The following OXCT1 variants were observed in gnomAD, a reference collection of about 807,000 sequenced individuals.
OXCT1 encodes succinyl-CoA:3-ketoacid coenzyme A transferase 1, mitochondrial.
OXCT1 carries 27 observed loss-of-function variants against 69.6 expected under a neutral mutation model. The observed-to-expected ratio is 0.39, with a 90% confidence interval of 0.29 to 0.54. The LOEUF (loss-of-function observed/expected upper bound fraction) is 0.54, where lower values mean the gene tolerates loss of function less well. Among genes scored for constraint, OXCT1 ranks in the 20% least tolerant of loss-of-function variants. OXCT1 has a pLI of 0.72. For synonymous variants in OXCT1, 202 were observed against 217.8 expected, an observed-to-expected ratio of 0.93 and a Z score of 0.64; for missense variants, 437 against 650.2, an observed-to-expected ratio of 0.67 and a Z score of 3.57.
chr5:41,737,060 C>T (rs1262821995), intron 16 of OXCT1, among the ~76,000 whole-genome samples: 1 of 152,146 alleles, frequency 6.6e-6, no homozygotes, highest in Non-Finnish European at 1.5e-5. Context: ...CCAGCTCTAG[C>T]CTTACAGAAA....
intron 3 of OXCT1, among the ~76,000 whole-genome samples, chr5:41,857,500 G>A (rs1012973524): frequency 2.0e-5 from 3 of 152,132 alleles, no homozygotes; most frequent in African/African-American, 7.2e-5. Context: ...CTTCTGATTG[G>A]GTTCAGCCAC....
chr5:41,784,532 T>G (rs975845553), intron 13 of OXCT1, among the ~76,000 whole-genome samples: 2 of 152,234 alleles, frequency 1.3e-5, no homozygotes, highest in African/African-American at 4.8e-5. Context: ...GTTGTTTTGC[T>G]TCCATTCTGA....
chr5:41,772,018 T>A (rs2112141667), intron 13 of OXCT1, among the ~76,000 whole-genome samples: 1 of 152,310 alleles, frequency 6.6e-6, no homozygotes, highest in East Asian at 1.9e-4. Context: ...TCTCCAATAG[T>A]CATTACAAAA....
intron 15 of OXCT1, among the ~76,000 whole-genome samples, chr5:41,748,714 C>T (rs905081193): frequency 2.0e-5 from 3 of 152,066 alleles, no homozygotes; most frequent in African/African-American, 7.2e-5. Context: ...CTCACTGTCA[C>T]ACCTCAGTGA....
In OXCT1 at chr5:41,731,801, T is replaced by C. The variant is rs1239389193; in HGVS notation, c.1522-31A>G. ...AAAAGAGGAAAAAAAAATCAAATTA[T>C]GAAAAACTGCATGATATAAATCTCT... On this transcript the variant is annotated intron_variant, in intron 16 of 16. Transcript: ENST00000196371. The C allele has an allele frequency of 5.0e-6, 8 of 1,594,584 alleles. 1 individual carries two copies. The highest frequency in any genetic ancestry group is 4.5e-5 in the South Asian group (4 of 88,176).
At chr5:41,783,608 A>G (rs1228282546) in intron 13 of OXCT1, among the ~76,000 whole-genome samples, 7 of 152,226 alleles carry the variant, frequency 4.6e-5, no homozygotes, top group Admixed American at 4.6e-4. Context: ...ATTGTTCATG[A>G]GAGAGACAGA....
intron 7 of OXCT1, among the ~76,000 whole-genome samples, chr5:41,816,183 C>T (rs1035544532): frequency 1.3e-5 from 2 of 152,142 alleles, no homozygotes; most frequent in Non-Finnish European, 2.9e-5. Flanking sequence ...ATGTTCTCCA[C>T]GTTTTCATTT....
intron 16 of OXCT1, among the ~76,000 whole-genome samples, chr5:41,733,365 G>A (rs948348026): frequency 6.6e-5 from 10 of 151,260 alleles, no homozygotes; most frequent in Non-Finnish European, 1.5e-4. Context: ...TCCTGCCTTA[G>A]CCTCCCAAGT....
chr5:41,791,725 C>T (rs1040996328), intron 13 of OXCT1, among the ~76,000 whole-genome samples: 2 of 152,098 alleles, frequency 1.3e-5, no homozygotes, highest in African/African-American at 2.4e-5. Flanking sequence ...TATTTAAAAC[C>T]CTATTGCTTT....
chr5:41,751,868 T>C (rs1743803589), intron 14 of OXCT1, among the ~76,000 whole-genome samples: 1 of 152,090 alleles, frequency 6.6e-6, no homozygotes, highest in South Asian at 2.1e-4. Flanking sequence ...AGCTAGATGA[T>C]TCCATTCACA....
intron 4 of OXCT1, among the ~76,000 whole-genome samples, chr5:41,850,512 AC>A (rs1168501051): frequency 2.0e-5 from 3 of 152,184 alleles, no homozygotes; most frequent in African/African-American, 7.2e-5. Flanking sequence ...GAATTATGAA[AC>A]TTTAGTTATA....
chr5:41,861,665 C>G (rs766659570), intron 2 of OXCT1, among the ~76,000 whole-genome samples: 1 of 152,178 alleles, frequency 6.6e-6, no homozygotes, highest in Non-Finnish European at 1.5e-5. Flanking sequence ...TATGGCTACT[C>G]ATTCCTCAGT....
At chr5:41,865,774 A>G (rs1383147554) in intron 1 of OXCT1, among the ~76,000 whole-genome samples, 1 of 152,188 alleles carries the variant, frequency 6.6e-6, no homozygotes, top group African/African-American at 2.4e-5. Flanking sequence ...ATTGTTTTCT[A>G]GGAATGTAGT....
chr5:41,738,365 A>T (rs1373395628), intron 16 of OXCT1, among the ~76,000 whole-genome samples: 1 of 152,172 alleles, frequency 6.6e-6, no homozygotes, highest in African/African-American at 2.4e-5. Flanking sequence ...GGTGGGAGGT[A>T]ACTGAATCAT....
rs567006510 is a variant in OXCT1, at chr5:41,767,371, ATTAC to A, written c.1249-5175_1249-5172del. Among the ~76,000 whole-genome samples, 6 of 152,280 alleles carry A rather than the reference ATTAC, an allele frequency of 3.9e-5. No individual in the cohort carries two copies. In the South Asian group the frequency reaches 8.3e-4, roughly 21 times the overall value. ...TATTCTCTATTGTTAGGTTAGCAAA[ATTAC>A]TTACAATAAAAATCAGTTATCAATC... On this transcript the variant is annotated intron_variant, in intron 13 of 16. Coordinates refer to ENST00000196371, the MANE Select transcript of OXCT1 (RefSeq NM_000436.4).
chr5:41,773,527 G>A (rs955217123), intron 13 of OXCT1, among the ~76,000 whole-genome samples: 18 of 152,142 alleles, frequency 1.2e-4, no homozygotes, highest in African/African-American at 4.1e-4. Context: ...AGCCCAGGAG[G>A]TCAAGGCTGC....
chr5:41,862,558 A>AT (rs1389574705), intron 2 of OXCT1, 84 bp downstream of exon 2: 4 of 764,312 alleles, frequency 5.2e-6, no homozygotes, highest in Non-Finnish European at 9.5e-6. Flanking sequence ...TATCATTTTT[A>AT]TACATCTTTG....
intron 15 of OXCT1, among the ~76,000 whole-genome samples, chr5:41,747,849 A>G (rs2112039727): frequency 6.6e-6 from 1 of 152,096 alleles, no homozygotes; most frequent in African/African-American, 2.4e-5. Context: ...TTTCCCTGAC[A>G]CCTCTGCCCA....
At chr5:41,756,321 C>G (rs13165517) in intron 14 of OXCT1, among the ~76,000 whole-genome samples, 14,582 of 152,026 alleles carry the variant, frequency 0.096, 929 homozygotes, top group Middle Eastern at 0.15. Context: ...ATATTGAGAA[C>G]AAAACAGATT....
Sources: gnomAD v4.1 joint callset for allele counts (sites outside exome capture counted in the v4.1 genomes callset) on GRCh38, gnomAD v4.1.1 for gene constraint, MANE v1.5 for transcripts, NCBI Gene and HGNC (gene_info 2026-07-23, HGNC 2026-07-21) for gene names.